SPPL2A: variants seen among roughly 807,000 people sequenced by gnomAD.
SPPL2A encodes signal peptide peptidase-like 2A.
Under a neutral mutation model 63.8 loss-of-function variants are expected in SPPL2A, and 51 were observed. That is an observed-to-expected ratio of 0.80 (90% CI 0.64 to 1.01). SPPL2A has a LOEUF of 1.01. SPPL2A is among the 50% of genes least tolerant of loss of function. SPPL2A has a pLI of 0.00. For missense variants in SPPL2A, 553 were observed against 622.7 expected (o/e 0.89, Z 1.19); for synonymous variants, 188 against 205.8 (o/e 0.91, Z 0.74).
At position 50,707,714 on chromosome 15, in the gene SPPL2A, TC is replaced by T; in HGVS notation, c.*85del. ...TGCAAGCATATCATTGAAGACTCTT[TC>T]AGATTGTCAATTCAAAAGTCAATTT... On this transcript the variant is annotated 3_prime_UTR_variant, in exon 15 of 15. Coordinates refer to ENST00000261854, the MANE Select transcript of SPPL2A (RefSeq NM_032802.4). 1 of 736,794 alleles carries T rather than the reference TC, an allele frequency of 1.4e-6. No individual in the cohort carries two copies. The highest frequency in any genetic ancestry group is 2.4e-6 in the Non-Finnish European group (1 of 412,434). 45.6% of individuals were successfully genotyped at this position (736,794 alleles called of 1,614,324 possible). A position where few individuals can be genotyped will look rare whatever the true frequency, so the allele number is the denominator to read the frequency against.
intron 14 of SPPL2A, among the ~76,000 whole-genome samples, chr15:50,717,645 T>C (rs2062607783): frequency 6.6e-6 from 1 of 152,144 alleles, no homozygotes; most frequent in African/African-American, 2.4e-5. Flanking sequence ...CAGCTTTCAT[T>C]TCCTGTAACT....
chr15:50,765,225 G>A (rs1470466190), intron 1 of SPPL2A, among the ~76,000 whole-genome samples: 3 of 151,688 alleles, frequency 2.0e-5, no homozygotes, highest in African/African-American at 7.3e-5. Flanking sequence ...TATTTCGCCA[G>A]ACTTCAATGG....
chr15:50,757,718 G>A (rs74999714), intron 1 of SPPL2A, among the ~76,000 whole-genome samples: 148 of 152,160 alleles, frequency 9.7e-4, no homozygotes, highest in African/African-American at 3.4e-3. Flanking sequence ...AATTTACTTT[G>A]TCCAGATCAA....
intron 14 of SPPL2A, among the ~76,000 whole-genome samples, chr15:50,715,611 TG>T (rs2062594065): frequency 1.1e-5 from 1 of 89,740 alleles, no homozygotes; most frequent in Non-Finnish European, 2.2e-5. Context: ...AGGGTGGGGG[TG>T]GGGGAAGAAT....
intron 8 of SPPL2A, among the ~76,000 whole-genome samples, chr15:50,734,851 G>C (rs752532718): frequency 4.1e-4 from 62 of 152,210 alleles, no homozygotes; most frequent in Non-Finnish European, 6.2e-4. Flanking sequence ...AAAAAGTATA[G>C]ACTGTGCTCC....
rs1289066007 is a variant in SPPL2A, at chr15:50,703,352, A to ATTT, written c.*4447_*4448insAAA. On this transcript the variant is annotated 3_prime_UTR_variant, in exon 15 of 15. Coordinates refer to ENST00000261854, the MANE Select transcript of SPPL2A (RefSeq NM_032802.4). ...TATATATATATATATATATACATAT[A>ATTT]TATATTTTTTTTTTTTTTTTTTTTT... The ATTT allele has an allele frequency of 2.2e-4, 14 of 63,378 alleles. No individual in the cohort carries two copies. The highest frequency in any genetic ancestry group is 5.0e-4 in the African/African-American group (8 of 15,856). 3.9% of individuals were successfully genotyped at this position (63,378 alleles called of 1,614,324 possible). A position where few individuals can be genotyped will look rare whatever the true frequency, so the allele number is the denominator to read the frequency against.
At chr15:50,731,431 A>T (rs1252784839) in intron 9 of SPPL2A, among the ~76,000 whole-genome samples, 2 of 151,988 alleles carry the variant, frequency 1.3e-5, no homozygotes, top group Non-Finnish European at 2.9e-5. Context: ...CTATAAACCC[A>T]GCTACTCAGG....
rs767086303 is a variant in SPPL2A at position 50,736,180 on chromosome 15, T to C, written c.853A>G (p.Met285Val). The part of the protein sequence containing the change: ...QCTIACRGKN[M>V]EVRLIFLSGL... Reference sequence around the variant, plus strand: ...GAGAGAAAAATAAGTCTCACTTCCATGTTTTTGCCACGACATGCAATCCTA... The same window carrying C: ...GAGAGAAAAATAAGTCTCACTTCCACGTTTTTGCCACGACATGCAATCCTA... The change falls in exon 8 of 15, where the codon ATG (methionine) becomes GTG (valine). Residue 285 changes from methionine (M) to valine (V), a missense_variant. By Grantham distance (21) the Met-to-Val change is conservative. Coordinates refer to ENST00000261854, the MANE Select transcript of SPPL2A (RefSeq NM_032802.4). 15 of 1,611,988 alleles carry C rather than the reference T, an allele frequency of 9.3e-6. No individual in the cohort carries two copies. In the Admixed American group the frequency reaches 2.5e-4, roughly 27 times the overall value.
chr15:50,731,037 T>C lies in SPPL2A; in HGVS notation c.1017A>G (p.Ser339=), dbSNP rs754261619. Residue 339 remains serine (S), a splice_region_variant and synonymous_variant, in exon 10 of 15, where the codon TCA becomes TCG. Coordinates refer to ENST00000261854, the MANE Select transcript of SPPL2A (RefSeq NM_032802.4). ...IKTLKLPNFK[S]CVILLGLLLL... ...GGAGAAGGCCTAGAAGTATCACACA[T>C]GACTGTCAAAGAAAGAAACAAAATT... 3 of 1,443,828 alleles carry C rather than the reference T, an allele frequency of 2.1e-6. No individual in the cohort carries two copies. The South Asian group carries it at 3.5e-5, about 17-fold the overall frequency. 89.4% of individuals were successfully genotyped at this position (1,443,828 alleles called of 1,614,324 possible). A position where few individuals can be genotyped will look rare whatever the true frequency, so the allele number is the denominator to read the frequency against.
intron 10 of SPPL2A, among the ~76,000 whole-genome samples, chr15:50,727,587 A>G (rs770001366): frequency 4.6e-5 from 7 of 152,202 alleles, no homozygotes; most frequent in Non-Finnish European, 1.0e-4. Flanking sequence ...TACTACTTCT[A>G]AGACACAATA....
intron 14 of SPPL2A, among the ~76,000 whole-genome samples, chr15:50,710,465 A>G (rs1471992507): frequency 1.3e-5 from 2 of 152,222 alleles, no homozygotes; most frequent in Admixed American, 1.3e-4. Context: ...TTTCCAATAA[A>G]AACAATACAG....
chr15:50,758,728 G>C (rs1306633228), intron 1 of SPPL2A, among the ~76,000 whole-genome samples: 1 of 152,058 alleles, frequency 6.6e-6, no homozygotes, highest in Non-Finnish European at 1.5e-5. Context: ...ATAGGGCATG[G>C]TAAAGCTTGG....
rs2062804509 is a variant in SPPL2A, at chr15:50,739,816, T to C, written c.597A>G (p.Lys199=). 1 of 1,600,524 alleles carries C rather than the reference T, an allele frequency of 6.2e-7. No homozygotes were observed. The highest frequency in any genetic ancestry group is 2.3e-5 in the East Asian group (1 of 43,620). ...TTTCTCTATCTTCAGTTGTCACTGCTTTCAAGTTTTCCCTGTACAAACACA... is the reference window on the plus strand; with the variant it reads ...TTTCTCTATCTTCAGTTGTCACTGCCTTCAAGTTTTCCCTGTACAAACACA... ...WSGLVELENL[K]AVTTEDREMR... The change falls in exon 6 of 15, where the codon AAA becomes AAG. Residue 199 remains lysine (K), a synonymous_variant. Coordinates refer to ENST00000261854, the MANE Select transcript of SPPL2A (RefSeq NM_032802.4).
At chr15:50,744,983 T>C (rs888246983) in intron 5 of SPPL2A, among the ~76,000 whole-genome samples, 31 of 152,198 alleles carry the variant, frequency 2.0e-4, no homozygotes, top group Admixed American at 1.8e-3. Context: ...ATAGAAAACA[T>C]TTAAAACTGT....
At chr15:50,762,563 G>T (rs531184751) in intron 1 of SPPL2A, among the ~76,000 whole-genome samples, 70 of 152,204 alleles carry the variant, frequency 4.6e-4, no homozygotes, top group Admixed American at 3.3e-4. Context: ...ACAAGATGAG[G>T]AGGGTAGGCA....
chr15:50,732,725 T>A, intron 8 of SPPL2A, 41 bp from the exon 9 acceptor site: 1 of 1,202,604 alleles, frequency 8.3e-7, no homozygotes, highest in Non-Finnish European at 1.2e-6. Context: ...TATCAATGTT[T>A]AGATGAAGCC....
At chr15:50,713,144 A>T (rs1253298097) in intron 14 of SPPL2A, among the ~76,000 whole-genome samples, 2 of 152,164 alleles carry the variant, frequency 1.3e-5, no homozygotes, top group Admixed American at 6.6e-5. Flanking sequence ...GCTAATTTTG[A>T]TTTTAAATGT....
At position 50,706,754 on chromosome 15, in the gene SPPL2A, TC is replaced by T. The variant is rs1263377522; in HGVS notation, c.*1045del. ...CATTAACAGAACCAAATTGCAAAGA[TC>T]AGAAATACCAAAGTGAAACTGAATG... On this transcript the variant is annotated 3_prime_UTR_variant, in exon 15 of 15. Coordinates refer to ENST00000261854, the MANE Select transcript of SPPL2A (RefSeq NM_032802.4). 1 of 151,862 alleles carries T rather than the reference TC, an allele frequency of 6.6e-6. No individual in the cohort carries two copies. The highest frequency in any genetic ancestry group is 1.5e-5 in the Non-Finnish European group (1 of 68,002). The allele number at this position is 151,862 out of a possible 1,614,324, so 9.4% of individuals were successfully genotyped here.
intron 1 of SPPL2A, among the ~76,000 whole-genome samples, chr15:50,753,690 G>A (rs192325945): frequency 6.6e-6 from 1 of 152,206 alleles, no homozygotes; most frequent in South Asian, 2.1e-4. Flanking sequence ...CTTATGCAAT[G>A]TAAAAGAAAT....
Sources: allele counts gnomAD v4.1 joint callset (sites outside exome capture counted in the v4.1 genomes callset), GRCh38; gene constraint gnomAD v4.1.1; transcripts MANE v1.5; gene names NCBI Gene and HGNC (gene_info 2026-07-23, HGNC 2026-07-21).